TINAG: variants seen among roughly 807,000 people sequenced by gnomAD.
The protein encoded by TINAG is tubulointerstitial nephritis antigen.
A neutral mutation model predicts 72.7 loss-of-function variants in TINAG; 83 were observed. The observed-to-expected ratio is 1.14, with a 90% CI of 0.96 to 1.37. The LOEUF is 1.37. TINAG is among the 40% of genes most tolerant of loss of function. The probability of loss-of-function intolerance (pLI) is 0.00; values close to 1 mark genes in which losing one functional copy is unlikely to be tolerated. For synonymous variants in TINAG, 234 were observed against 189.9 expected (o/e 1.23, Z -1.91); for missense variants, 685 against 576.6 (o/e 1.19, Z -1.93).
upstream of TINAG, chr6:54,308,427 G>C (rs1784159410): frequency 1.3e-6 from 1 of 750,248 alleles, no homozygotes; most frequent in Non-Finnish European, 2.1e-6. Context: ...TTCAAGTAAA[G>C]GATCAGTTTC....
chr6:54,313,057 T>G (rs898869395), intron 1 of TINAG, among the ~76,000 whole-genome samples: 2 of 152,142 alleles, frequency 1.3e-5, no homozygotes, highest in Non-Finnish European at 1.5e-5. Context: ...GAAGGTAATT[T>G]CTTTGAAAAT....
rs922808368 is a variant in TINAG, at chr6:54,389,965, C to A, written c.*40C>A. The A allele has an allele frequency of 4.4e-6, 7 of 1,589,044 alleles. No individual in the cohort carries two copies. The highest frequency in any genetic ancestry group is 6.0e-6 in the Non-Finnish European group (7 of 1,172,502). ...TCCATAAGGTCATGCCTTTAAGTAA[C>A]CCCCTAAATTGAAGTTTAGCAATAT... On this transcript the variant is annotated 3_prime_UTR_variant, in exon 11 of 11. Transcript: ENST00000259782.
In TINAG at chr6:54,321,359, T is replaced by C; in HGVS notation, c.482T>C (p.Ile161Thr). 2 of 1,613,508 alleles carry C rather than the reference T, an allele frequency of 1.2e-6. No homozygotes were observed. Among genetic ancestry groups the C allele is most frequent in the Non-Finnish European group, 1.7e-6 (2 of 1,179,580 alleles). ...GTATGCCTTGTTCGTTCAGAATTAATTGAACAGGTCAATAAAGGAGACTAT... is the reference window on the plus strand; with the variant it reads ...GTATGCCTTGTTCGTTCAGAATTAACTGAACAGGTCAATAAAGGAGACTAT... ...QHVCLVRSEL[I>T]EQVNKGDYGW... The change falls in exon 3 of 11, where the codon ATT becomes ACT. Residue 161 changes from isoleucine to threonine, a missense_variant. By Grantham distance (89) the Ile-to-Thr change is moderately conservative. Transcript: ENST00000259782.
At chr6:54,309,054 T>G in intron 1 of TINAG, 149 bp downstream of exon 1, 1 of 872,294 alleles carries the variant, frequency 1.1e-6, no homozygotes, top group Non-Finnish European at 1.7e-6. Context: ...CTTTGGATTG[T>G]TAAAGTGCTT....
chr6:54,342,055 T>C (rs914743782), intron 4 of TINAG, among the ~76,000 whole-genome samples: 1 of 144,526 alleles, frequency 6.9e-6, no homozygotes, highest in African/African-American at 2.5e-5. Flanking sequence ...TGCTCAGAAA[T>C]GATTGGGGTG....
intron 1 of TINAG, among the ~76,000 whole-genome samples, chr6:54,310,556 C>T: frequency 7.1e-6 from 1 of 141,162 alleles, no homozygotes. Context: ...CCCTTCCTTC[C>T]TCCTTCCCTC....
chr6:54,326,999 T>C (rs1784619858), intron 4 of TINAG, 83 bp downstream of exon 4: 2 of 1,582,172 alleles, frequency 1.3e-6, no homozygotes, highest in Non-Finnish European at 1.7e-6. Flanking sequence ...TATAAATCAC[T>C]AAAATAATGA....
At position 54,379,986 on chromosome 6, in the gene TINAG, G is replaced by A. The variant is rs146849795; in HGVS notation, c.1251-540G>A. ...GATGGTCCCTTCCCTGTGCCCATGT[G>A]TTCTCATTGTTCAACTCTCACTTGT... On this transcript the variant is annotated intron_variant, in intron 9 of 10. Transcript: ENST00000259782. Among the ~76,000 whole-genome samples, 535 of 152,084 alleles carry A rather than the reference G, an allele frequency of 3.5e-3. 5 individuals carry two copies. The highest frequency in any genetic ancestry group is 0.012 in the African/African-American group (509 of 41,504).
chr6:54,331,122 C>T (rs1784730065), intron 4 of TINAG, among the ~76,000 whole-genome samples: 1 of 152,194 alleles, frequency 6.6e-6, no homozygotes, highest in Non-Finnish European at 1.5e-5. Context: ...CCAGCATCAT[C>T]TTGATACCAA....
At chr6:54,331,771 T>TA (rs139659838) in intron 4 of TINAG, among the ~76,000 whole-genome samples, 39,417 of 151,996 alleles carry the variant, frequency 0.26, 6,980 homozygotes, top group East Asian at 0.54. Flanking sequence ...TCTTAGGATG[T>TA]AAATCAATGT....
At position 54,326,821 on chromosome 6, in the gene TINAG, A is replaced by G; in HGVS notation, c.529A>G (p.Ser177Gly). The part of the protein sequence containing the change: ...GDYGWTAQNY[S>G]QFWGMTLEDG... ...AGGCAGATGGACAGCACAGAATTAC[A>G]GCCAATTTTGGGGAATGACTTTAGA... Residue 177 changes from serine to glycine, a missense_variant, in exon 4 of 11, where the codon AGC becomes GGC. By Grantham distance (56) the Ser-to-Gly change is moderately conservative. Transcript: ENST00000259782. 1 of 1,611,274 alleles carries G rather than the reference A, an allele frequency of 6.2e-7. No homozygotes were observed.
intron 4 of TINAG, among the ~76,000 whole-genome samples, chr6:54,330,238 A>G (rs1363874927): frequency 6.6e-6 from 1 of 152,222 alleles, no homozygotes; most frequent in African/African-American, 2.4e-5. Context: ...ACTCCTCAGC[A>G]TTTGCAAAAG....
chr6:54,355,021 GA>G (rs2150963132), intron 9 of TINAG, among the ~76,000 whole-genome samples: 1 of 152,040 alleles, frequency 6.6e-6, no homozygotes, highest in African/African-American at 2.4e-5. Flanking sequence ...AGCAGGAAGA[GA>G]AGGTCACCTA....
intron 4 of TINAG, 61 bp downstream of exon 4, chr6:54,326,977 A>G (rs1300687667): frequency 1.9e-6 from 3 of 1,600,888 alleles, no homozygotes; most frequent in Admixed American, 1.7e-5. Context: ...TTGTGTGTGC[A>G]TTAAAAGCAA....
intron 9 of TINAG, among the ~76,000 whole-genome samples, chr6:54,365,028 A>T (rs1016060812): frequency 6.6e-6 from 1 of 151,458 alleles, no homozygotes; most frequent in South Asian, 2.1e-4. Context: ...TTTTTGAAAA[A>T]CAACTGAATG....
chr6:54,313,525 G>A (rs1784305893), intron 1 of TINAG, among the ~76,000 whole-genome samples: 1 of 151,864 alleles, frequency 6.6e-6, no homozygotes, highest in South Asian at 2.1e-4. Context: ...ACTGTTCTAA[G>A]CACTTTTCAG....
intron 1 of TINAG, among the ~76,000 whole-genome samples, chr6:54,314,983 T>A (rs1313699457): frequency 6.6e-6 from 1 of 152,154 alleles, no homozygotes; most frequent in Non-Finnish European, 1.5e-5. Flanking sequence ...TTTTTTTTCT[T>A]TTGTTTTATC....
chr6:54,345,523 C>T (rs1205681799), intron 5 of TINAG, among the ~76,000 whole-genome samples: 2 of 152,120 alleles, frequency 1.3e-5, no homozygotes, highest in Non-Finnish European at 2.9e-5. Context: ...GTTTTCTCTA[C>T]ACTATAAAAG....
chr6:54,310,533 CTCTG>C (rs1241174597), intron 1 of TINAG, among the ~76,000 whole-genome samples: 4 of 144,376 alleles, frequency 2.8e-5, no homozygotes, highest in Admixed American at 1.4e-4. Flanking sequence ...TTCTTTCTCT[CTCTG>C]TCTCTCTCCC....
Sources: allele counts gnomAD v4.1 joint callset (sites outside exome capture counted in the v4.1 genomes callset), GRCh38; gene constraint gnomAD v4.1.1; transcripts MANE v1.5; gene names NCBI Gene and HGNC (gene_info 2026-07-23, HGNC 2026-07-21).